PDE8B: variants seen among roughly 807,000 people sequenced by gnomAD.
The protein encoded by PDE8B is high affinity cAMP-specific and IBMX-insensitive 3',5'-cyclic phosphodiesterase 8B.
Under a neutral mutation model 101.3 loss-of-function variants are expected in PDE8B, and 26 were observed. The observed-to-expected ratio is 0.26, with a 90% confidence interval of 0.19 to 0.36. The LOEUF (loss-of-function observed/expected upper bound fraction) is 0.36, where lower values mean the gene tolerates loss of function less well. Among genes scored for constraint, PDE8B ranks in the 10% least tolerant of loss-of-function variants. The pLI, the probability that PDE8B is intolerant of heterozygous loss-of-function variation, is 1.00. For synonymous variants in PDE8B, 424 were observed against 429.3 expected (o/e 0.99, Z 0.15); for missense variants, 810 against 1,163.1 (o/e 0.70, Z 4.42).
intron 1 of PDE8B, among the ~76,000 whole-genome samples, chr5:77,215,947 A>G (rs1749597230): frequency 6.6e-6 from 1 of 152,106 alleles, no homozygotes; most frequent in Non-Finnish European, 1.5e-5. Flanking sequence ...CTGATTGGGG[A>G]ATAAAAGCTG....
the PDE8B span, among the ~76,000 whole-genome samples, chr5:77,138,377 GTTGTTT>G: frequency 6.6e-6 from 1 of 152,024 alleles, no homozygotes; most frequent in South Asian, 2.1e-4. Context: ...TGGTTTTTCT[GTTGTTT>G]TTGTTTTTGC....
rs543800695 is a variant in PDE8B at position 77,268,050 on chromosome 5, G to T, written c.340-43944G>T. 3.8e-4 allele frequency among the ~76,000 whole-genome samples: 57 copies of T among 150,984 alleles called. No homozygotes were observed. In the South Asian group the frequency reaches 7.6e-3, roughly 20 times the overall value. On this transcript the variant is annotated intron_variant, in intron 1 of 21. Coordinates refer to ENST00000264917, the MANE Select transcript of PDE8B (RefSeq NM_003719.5). ...CATTTAACAGGTTAAAAAAAAAAAAGAAAACCAAACCTGATGAAAGGGTGA... is the reference window on the plus strand; with the variant it reads ...CATTTAACAGGTTAAAAAAAAAAAATAAAACCAAACCTGATGAAAGGGTGA...
intron 1 of PDE8B, among the ~76,000 whole-genome samples, chr5:77,292,681 T>C (rs770999214): frequency 1.3e-5 from 2 of 152,258 alleles, no homozygotes; most frequent in African/African-American, 4.8e-5. Context: ...TGAGCATTGC[T>C]TGTCCTTTTC....
chr5:77,373,400 G>C (rs1177696153), intron 10 of PDE8B, among the ~76,000 whole-genome samples: 1 of 152,120 alleles, frequency 6.6e-6, no homozygotes, highest in African/African-American at 2.4e-5. Flanking sequence ...TTTGTTGTAT[G>C]TACACACCCA....
chr5:77,279,119 T>C (rs1764440422), intron 1 of PDE8B, among the ~76,000 whole-genome samples: 1 of 152,248 alleles, frequency 6.6e-6, no homozygotes. Flanking sequence ...TGTGGTGTTC[T>C]AATGAGTGTG....
chr5:77,171,112 A>G, the PDE8B span, among the ~76,000 whole-genome samples: 102 of 152,340 alleles, frequency 6.7e-4, no homozygotes, highest in Non-Finnish European at 1.3e-3. Context: ...GATGGAAATA[A>G]TTGGAGAAAG....
chr5:77,312,109 T>TG lies in PDE8B; in HGVS notation c.399+56_399+57insG, dbSNP rs1772795439. On this transcript the variant is annotated intron_variant, in intron 2 of 21. Coordinates refer to ENST00000264917, the MANE Select transcript of PDE8B (RefSeq NM_003719.5). ...AGATTATTTTCTTTTTTTTTTCTTT[T>TG]TTTTTTTTTTTTGAGATGGAGCCTC... 6.3e-6 allele frequency: 8 copies of TG among 1,278,412 alleles called. No homozygotes were observed. In the East Asian group the frequency reaches 1.9e-4, roughly 30 times the overall value. The allele number at this position is 1,278,412 out of a possible 1,614,324, so 79.2% of individuals were successfully genotyped here.
intron 1 of PDE8B, among the ~76,000 whole-genome samples, chr5:77,212,761 C>G (rs1335681891): frequency 6.6e-6 from 1 of 152,164 alleles, no homozygotes; most frequent in East Asian, 1.9e-4. Context: ...CTCTCCCCCT[C>G]CCTGTTCACA....
At chr5:77,418,181 C>A in intron 17 of PDE8B, 48 bp from the exon 18 acceptor site, 1 of 1,211,418 alleles carries the variant, frequency 8.3e-7, no homozygotes, top group Non-Finnish European at 1.2e-6. Context: ...GGATGTGGGT[C>A]TCCAAGATCC....
intron 1 of PDE8B, among the ~76,000 whole-genome samples, chr5:77,292,984 C>T (rs542992754): frequency 1.6e-3 from 243 of 151,838 alleles, no homozygotes; most frequent in African/African-American, 5.6e-3. Context: ...TTTTTTTTCT[C>T]ATTTAAAATT....
chr5:77,146,201 A>G, the PDE8B span: 1 of 152,232 alleles, frequency 6.6e-6, no homozygotes, highest in Admixed American at 6.5e-5. Flanking sequence ...GACTTCAAGC[A>G]GATGCTGTAA....
chr5:77,132,580 T>A, the PDE8B span, among the ~76,000 whole-genome samples: 1 of 152,230 alleles, frequency 6.6e-6, no homozygotes, highest in Non-Finnish European at 1.5e-5. Flanking sequence ...ATTTTATGTA[T>A]CTTTCCACTC....
At chr5:77,160,558 A>C in the PDE8B span, among the ~76,000 whole-genome samples, 1 of 152,090 alleles carries the variant, frequency 6.6e-6, no homozygotes, top group Non-Finnish European at 1.5e-5. Flanking sequence ...AGTCTTTTTC[A>C]TATTTATTGT....
intron 1 of PDE8B, among the ~76,000 whole-genome samples, chr5:77,248,352 A>G (rs1276588098): frequency 6.6e-6 from 1 of 152,234 alleles, no homozygotes; most frequent in East Asian, 1.9e-4. Context: ...GGAGCTTCCT[A>G]TTTGGATGGG....
intron 8 of PDE8B, 94 bp downstream of exon 8, chr5:77,349,653 T>A (rs1341036644): frequency 8.1e-6 from 11 of 1,358,098 alleles, no homozygotes; most frequent in East Asian, 2.3e-5. Context: ...TTAGCTTTTT[T>A]AATAATGTCA....
At chr5:77,131,763 T>A in the PDE8B span, among the ~76,000 whole-genome samples, 2 of 152,190 alleles carry the variant, frequency 1.3e-5, no homozygotes, top group African/African-American at 4.8e-5. Flanking sequence ...GGAGTTGAAG[T>A]GATCTTAACA....
chr5:77,266,153 G>A (rs190004589), intron 1 of PDE8B, among the ~76,000 whole-genome samples: 1 of 152,198 alleles, frequency 6.6e-6, no homozygotes, highest in Non-Finnish European at 1.5e-5. Context: ...TTACCTACTT[G>A]CTAATGTTTG....
chr5:77,331,969 A>G (rs1264185252), intron 5 of PDE8B, among the ~76,000 whole-genome samples: 2 of 152,176 alleles, frequency 1.3e-5, no homozygotes, highest in East Asian at 1.9e-4. Flanking sequence ...AACTACACAA[A>G]TAACACTGAG....
chr5:77,291,681 A>G, intron 1 of PDE8B: 2 of 1,595,900 alleles, frequency 1.3e-6, no homozygotes, highest in Non-Finnish European at 1.7e-6. Flanking sequence ...TGGAGGAGAA[A>G]AGCACACTGG....
Sources: allele counts gnomAD v4.1 joint callset (sites outside exome capture counted in the v4.1 genomes callset), GRCh38; gene constraint gnomAD v4.1.1; transcripts MANE v1.5; gene names NCBI Gene and HGNC (gene_info 2026-07-23, HGNC 2026-07-21).